Variants in PDE10A observed in about 807,000 individuals in gnomAD.
The protein encoded by PDE10A is cAMP and cAMP-inhibited cGMP 3',5'-cyclic phosphodiesterase 10A.
In PDE10A, 39 loss-of-function variants were observed where a neutral mutation model predicts 97.7. The ratio of observed to expected loss-of-function variants is 0.40; its 90% CI spans 0.31 to 0.52. PDE10A has a LOEUF of 0.52. PDE10A is among the 20% of genes least tolerant of loss of function. PDE10A has a pLI of 0.56. For synonymous variants in PDE10A, 371 were observed against 376.8 expected, an observed-to-expected ratio of 0.98 and a Z score of 0.18; for missense variants, 731 against 1,047.8, an observed-to-expected ratio of 0.70 and a Z score of 4.17.
chr6:165,677,593 T>C (rs1016529524), intron 1 of PDE10A, among the ~76,000 whole-genome samples: 1 of 152,242 alleles, frequency 6.6e-6, no homozygotes, highest in African/African-American at 2.4e-5. Context: ...TAAGTAATTA[T>C]AATGACAATT....
At chr6:165,432,186 A>G (rs1318838231) in intron 7 of PDE10A, among the ~76,000 whole-genome samples, 2 of 152,226 alleles carry the variant, frequency 1.3e-5, no homozygotes, top group African/African-American at 2.4e-5. Flanking sequence ...AGTGTAGCAT[A>G]TAATATATTA....
intron 1 of PDE10A, among the ~76,000 whole-genome samples, chr6:165,762,144 G>GA (rs1554317887): frequency 6.6e-6 from 1 of 152,124 alleles, no homozygotes; most frequent in East Asian, 1.9e-4. Context: ...AGTCATGATT[G>GA]CCTATCCAGC....
chr6:165,472,896 T>A (rs1457075997), intron 3 of PDE10A, among the ~76,000 whole-genome samples: 5 of 152,196 alleles, frequency 3.3e-5, no homozygotes, highest in Admixed American at 3.3e-4. Flanking sequence ...CCTTCAACTG[T>A]AACAGTAATT....
At chr6:165,945,766 G>A (rs893323823) in intron 1 of PDE10A, among the ~76,000 whole-genome samples, 2 of 152,182 alleles carry the variant, frequency 1.3e-5, no homozygotes, top group South Asian at 4.1e-4. Context: ...TAAGACATTT[G>A]CTATGGAGCA....
intron 1 of PDE10A, among the ~76,000 whole-genome samples, chr6:165,762,447 C>T (rs1461710606): frequency 2.7e-5 from 4 of 149,566 alleles, no homozygotes; most frequent in Admixed American, 2.7e-4. Context: ...AGGCTCATTA[C>T]AACTTACTGT....
intron 1 of PDE10A, among the ~76,000 whole-genome samples, chr6:165,673,778 T>C (rs1045710568): frequency 1.3e-5 from 2 of 152,236 alleles, no homozygotes; most frequent in African/African-American, 4.8e-5. Context: ...GGGGATTCCA[T>C]AGGTTTTAAA....
chr6:165,508,015 G>C (rs1384210454), intron 2 of PDE10A, among the ~76,000 whole-genome samples: 2 of 152,052 alleles, frequency 1.3e-5, no homozygotes, highest in South Asian at 2.1e-4. Flanking sequence ...AGAAGAAAGA[G>C]ACTGTTCTGA....
chr6:165,590,863 C>T (rs1235742867), intron 1 of PDE10A, among the ~76,000 whole-genome samples: 1 of 152,066 alleles, frequency 6.6e-6, no homozygotes, highest in African/African-American at 2.4e-5. Context: ...TGCAGTCCAG[C>T]CTGGGCGACA....
intron 1 of PDE10A, among the ~76,000 whole-genome samples, chr6:165,794,918 G>A (rs1778789715): frequency 6.6e-6 from 1 of 152,228 alleles, no homozygotes; most frequent in African/African-American, 2.4e-5. Context: ...AAACATGAAT[G>A]TGCCTATTGT....
At chr6:165,965,173 T>C (rs1355372155) in intron 1 of PDE10A, among the ~76,000 whole-genome samples, 1 of 152,170 alleles carries the variant, frequency 6.6e-6, no homozygotes, top group African/African-American at 2.4e-5. Context: ...AAGTGAGAGA[T>C]GGTGAGGACT....
chr6:165,702,056 G>A (rs1325912777), intron 1 of PDE10A, among the ~76,000 whole-genome samples: 1 of 152,134 alleles, frequency 6.6e-6, no homozygotes, highest in Non-Finnish European at 1.5e-5. Context: ...GGCAGGGCCA[G>A]GTCAGCTATG....
At chr6:165,368,006 G>T (rs1261185390) in intron 18 of PDE10A, among the ~76,000 whole-genome samples, 1 of 152,054 alleles carries the variant, frequency 6.6e-6, no homozygotes, top group African/African-American at 2.4e-5. Context: ...TTCTTTTCTT[G>T]TTTTTTTGAG....
intron 1 of PDE10A, among the ~76,000 whole-genome samples, chr6:165,685,303 G>T (rs1791085044): frequency 6.6e-6 from 1 of 152,000 alleles, no homozygotes; most frequent in South Asian, 2.1e-4. Flanking sequence ...AATTTCATCA[G>T]CAGCATAAAA....
chr6:165,561,386 T>C (rs1184682747), intron 1 of PDE10A, among the ~76,000 whole-genome samples: 2 of 152,152 alleles, frequency 1.3e-5, no homozygotes, highest in African/African-American at 4.8e-5. Flanking sequence ...AAACCTCTTC[T>C]TCATAAATTA....
intron 3 of PDE10A, among the ~76,000 whole-genome samples, chr6:165,480,863 G>A (rs974721799): frequency 2.6e-5 from 4 of 152,114 alleles, no homozygotes; most frequent in African/African-American, 9.7e-5. Context: ...AAGATACGGG[G>A]TACGTTTTTT....
chr6:165,779,340 T>C (rs934840000), intron 1 of PDE10A, among the ~76,000 whole-genome samples: 1 of 152,218 alleles, frequency 6.6e-6, no homozygotes, highest in Non-Finnish European at 1.5e-5. Flanking sequence ...CATTGTGTAG[T>C]GAATGATCGT....
intron 1 of PDE10A, among the ~76,000 whole-genome samples, chr6:165,552,558 T>C (rs923273963): frequency 2.0e-5 from 3 of 152,188 alleles, no homozygotes; most frequent in Non-Finnish European, 4.4e-5. Context: ...AAACTGGGAA[T>C]TGAGTCTCTA....
At chr6:165,485,473 A>ATAAAT (rs34160619) in intron 2 of PDE10A, among the ~76,000 whole-genome samples, 1 of 151,212 alleles carries the variant, frequency 6.6e-6, no homozygotes, top group African/African-American at 2.4e-5. Context: ...GTCTCAAAAA[A>ATAAAT]AAAAAAAAAA....
chr6:165,470,583 C>A (rs543693421), intron 3 of PDE10A, among the ~76,000 whole-genome samples: 2 of 152,162 alleles, frequency 1.3e-5, no homozygotes, highest in African/African-American at 4.8e-5. Flanking sequence ...AAAAGTATTA[C>A]CTCTTACAAA....
Sources: gnomAD v4.1 joint callset for allele counts (sites outside exome capture counted in the v4.1 genomes callset) on GRCh38, gnomAD v4.1.1 for gene constraint, MANE v1.5 for transcripts, NCBI Gene and HGNC (gene_info 2026-07-23, HGNC 2026-07-21) for gene names.